EXOC6B: variants seen among roughly 807,000 people sequenced by gnomAD.
The protein encoded by EXOC6B is SEC15 homolog B.
Under a neutral mutation model 113.5 loss-of-function variants are expected in EXOC6B, and 54 were observed. That is an observed-to-expected ratio of 0.48 (90% confidence interval 0.38 to 0.60). The LOEUF (loss-of-function observed/expected upper bound fraction) is 0.60, where lower values mean the gene tolerates loss of function less well. Among genes scored for constraint, EXOC6B ranks in the 20% least tolerant of loss-of-function variants. The pLI, the probability that EXOC6B is intolerant of heterozygous loss-of-function variation, is 0.00. For synonymous variants in EXOC6B, 357 were observed against 339.0 expected, an observed-to-expected ratio of 1.05 and a Z score of -0.58; for missense variants, 797 against 977.5, an observed-to-expected ratio of 0.82 and a Z score of 2.46.
chr2:72,517,117 T>C (rs552814974), intron 8 of EXOC6B, among the ~76,000 whole-genome samples: 81 of 152,270 alleles, frequency 5.3e-4, no homozygotes, highest in African/African-American at 1.9e-3. Context: ...AAAGGCAGGA[T>C]AGTAAATATA....
chr2:72,608,099 T>A (rs1377050947), intron 6 of EXOC6B, among the ~76,000 whole-genome samples: 1 of 152,060 alleles, frequency 6.6e-6, no homozygotes, highest in Non-Finnish European at 1.5e-5. Flanking sequence ...TGCTAATAAA[T>A]AAAAACAGAA....
chr2:72,557,288 TC>T (rs1454931841), intron 8 of EXOC6B, among the ~76,000 whole-genome samples: 196 of 6,472 alleles, frequency 0.03, 3 homozygotes, highest in African/African-American at 0.088. Flanking sequence ...CAAAATAAAA[TC>T]CGGGGGGGGG....
At chr2:72,456,996 C>A (rs983431689) in intron 18 of EXOC6B, among the ~76,000 whole-genome samples, 3 of 147,044 alleles carry the variant, frequency 2.0e-5, no homozygotes, top group Non-Finnish European at 1.5e-5. Context: ...TAAAAGTAGA[C>A]GAAAGGCATG....
At chr2:72,397,229 G>A (rs1692784715) in intron 18 of EXOC6B, among the ~76,000 whole-genome samples, 1 of 152,052 alleles carries the variant, frequency 6.6e-6, no homozygotes, top group Non-Finnish European at 1.5e-5. Context: ...CAGCTATCTT[G>A]GAACCTTGAG....
At chr2:72,476,511 G>C (rs1558708201) in intron 17 of EXOC6B, among the ~76,000 whole-genome samples, 1 of 151,992 alleles carries the variant, frequency 6.6e-6, no homozygotes, top group South Asian at 2.1e-4. Context: ...TTTCCCTATA[G>C]GTCCTCAAAT....
intron 6 of EXOC6B, among the ~76,000 whole-genome samples, chr2:72,630,954 A>G (rs549704855): frequency 6.6e-6 from 1 of 152,304 alleles, no homozygotes; most frequent in South Asian, 2.1e-4. Flanking sequence ...GCACTATATC[A>G]AATCACCAAA....
chr2:72,787,389 A>G lies in EXOC6B; in HGVS notation c.113+38409T>C, dbSNP rs184838902. Among the ~76,000 whole-genome samples, 8 of 151,818 alleles carry G rather than the reference A, an allele frequency of 5.3e-5. No homozygotes were observed. The East Asian group carries it at 1.6e-3, about 29-fold the overall frequency. On this transcript the variant is annotated intron_variant, in intron 1 of 21. Coordinates refer to ENST00000272427, the MANE Select transcript of EXOC6B (RefSeq NM_015189.3). ...ACTTTTGTATTTTTTTAGTAGAGAC[A>G]GGGTTTCACCATGTTGGCTAGGCTG...
At chr2:72,204,692 C>T (rs1261472321) in intron 20 of EXOC6B, among the ~76,000 whole-genome samples, 3 of 152,192 alleles carry the variant, frequency 2.0e-5, no homozygotes, top group Non-Finnish European at 4.4e-5. Flanking sequence ...CTGAAGCCCC[C>T]AGTCACGTAG....
At chr2:72,675,545 C>G (rs1573604007) in intron 6 of EXOC6B, among the ~76,000 whole-genome samples, 2 of 152,218 alleles carry the variant, frequency 1.3e-5, no homozygotes, top group Admixed American at 1.3e-4. Context: ...ATAATCCCAG[C>G]ACTTTGGGAG....
chr2:72,288,475 A>G (rs891848221), intron 20 of EXOC6B, among the ~76,000 whole-genome samples: 6 of 152,144 alleles, frequency 3.9e-5, no homozygotes, highest in Non-Finnish European at 8.8e-5. Flanking sequence ...ATAGAGATCA[A>G]TATAACAAAG....
chr2:72,371,566 A>C (rs1267818841), intron 19 of EXOC6B, among the ~76,000 whole-genome samples: 1 of 152,242 alleles, frequency 6.6e-6, no homozygotes, highest in African/African-American at 2.4e-5. Flanking sequence ...CAACATATGA[A>C]GAGAATGGAG....
chr2:72,537,790 ACACT>A (rs1702382692), intron 8 of EXOC6B, among the ~76,000 whole-genome samples: 1 of 152,178 alleles, frequency 6.6e-6, no homozygotes, highest in Non-Finnish European at 1.5e-5. Context: ...TTGTCCAGAG[ACACT>A]CACCAAGGTT....
intron 8 of EXOC6B, among the ~76,000 whole-genome samples, chr2:72,527,354 TCC>T (rs1701794084): frequency 6.6e-6 from 1 of 151,984 alleles, no homozygotes; most frequent in Non-Finnish European, 1.5e-5. Context: ...TAGAGATTCA[TCC>T]AGTTTGTTAC....
chr2:72,513,201 A>G lies in EXOC6B; in HGVS notation c.1098T>C (p.Asn366=). 1 of 1,613,366 alleles carries G rather than the reference A, an allele frequency of 6.2e-7. No individual in the cohort carries two copies. The highest frequency in any genetic ancestry group is 8.5e-7 in the Non-Finnish European group (1 of 1,179,442). The change falls in exon 11 of 22, where the codon AAT becomes AAC. Residue 366 remains asparagine (N), a synonymous_variant. Coordinates refer to ENST00000272427, the MANE Select transcript of EXOC6B (RefSeq NM_015189.3). ...HILHTTQGLV[N]RAYIDELWEM... is the part of the protein sequence containing the mutation. ...CCCACAGTTCATCAATGTAGGCTCT[A>G]TTTACTAAGCCCTGGGTTGTATGTA...
intron 19 of EXOC6B, among the ~76,000 whole-genome samples, chr2:72,374,307 G>A (rs1023721273): frequency 6.6e-6 from 1 of 152,138 alleles, no homozygotes; most frequent in Non-Finnish European, 1.5e-5. Context: ...CAGATATATG[G>A]AGAGAGAAAC....
At chr2:72,410,308 G>T (rs1694089759) in intron 18 of EXOC6B, among the ~76,000 whole-genome samples, 1 of 152,162 alleles carries the variant, frequency 6.6e-6, no homozygotes, top group African/African-American at 2.4e-5. Context: ...GGTTCTTGAT[G>T]GAACGTTTCT....
At chr2:72,289,324 A>G (rs960731120) in intron 20 of EXOC6B, among the ~76,000 whole-genome samples, 4 of 152,230 alleles carry the variant, frequency 2.6e-5, no homozygotes, top group Non-Finnish European at 5.9e-5. Context: ...ATTATGATTT[A>G]TAGATCTTTC....
chr2:72,384,981 T>C (rs1183183783), intron 18 of EXOC6B, among the ~76,000 whole-genome samples: 1 of 152,114 alleles, frequency 6.6e-6, no homozygotes, highest in Admixed American at 6.5e-5. Flanking sequence ...ACAATACCAA[T>C]GACTTTTTTC....
At chr2:72,218,962 T>TAA (rs57748151) in intron 20 of EXOC6B, among the ~76,000 whole-genome samples, 56 of 141,710 alleles carry the variant, frequency 4.0e-4, no homozygotes, top group Middle Eastern at 3.5e-3. Context: ...TGCTATTTCT[T>TAA]AAAAAAAAAA....
Sources: gnomAD v4.1 joint callset for allele counts (sites outside exome capture counted in the v4.1 genomes callset) on GRCh38, gnomAD v4.1.1 for gene constraint, MANE v1.5 for transcripts, NCBI Gene and HGNC (gene_info 2026-07-23, HGNC 2026-07-21) for gene names.